The following RTL4 variants were observed in gnomAD, a reference collection of about 807,000 sequenced individuals.
RTL4 encodes the protein retrotransposon Gag-like protein 4.
In RTL4, 4 loss-of-function variants were observed where a neutral mutation model predicts 5.3. That is an observed-to-expected ratio of 0.75 (90% CI 0.37 to 1.72). The LOEUF is 1.72. Ranked by LOEUF, RTL4 falls within the 40% of genes most tolerant of loss-of-function variation. The pLI is 0.04. For missense variants in RTL4, 260 were observed against 227.1 expected (o/e 1.14, Z -0.93); for synonymous variants, 98 against 87.3 (o/e 1.12, Z -0.68).
chrX:112,260,733 G>A, the RTL4 span, among the ~76,000 whole-genome samples: 29 of 111,530 alleles, frequency 2.6e-4, no homozygotes, highest in African/African-American at 8.8e-4. Context: ...TATTTAATCC[G>A]CATCCTTCTT....
chrX:112,123,793 G>A, the RTL4 span, among the ~76,000 whole-genome samples: 54 of 111,541 alleles, frequency 4.8e-4, no homozygotes, highest in Middle Eastern at 4.7e-3. Context: ...ACTTTATGAC[G>A]AAAGCACCAA....
chrX:112,303,526 A>G, the RTL4 span, among the ~76,000 whole-genome samples: 1 of 95,831 alleles, frequency 1.0e-5, no homozygotes, highest in Non-Finnish European at 2.0e-5. Context: ...CAAACACCGC[A>G]TGTTCTCACT....
chrX:112,346,181 T>C, the RTL4 span, among the ~76,000 whole-genome samples: 1 of 112,007 alleles, frequency 8.9e-6, no homozygotes, highest in Non-Finnish European at 1.9e-5. Context: ...GTTGTATTTT[T>C]ATAATTTTAA....
At chrX:112,231,895 G>A in the RTL4 span, among the ~76,000 whole-genome samples, 1 of 111,397 alleles carries the variant, frequency 9.0e-6, no homozygotes, top group Non-Finnish European at 1.9e-5. Context: ...GTAGAACTAG[G>A]ATTTAAGCCC....
the RTL4 span, among the ~76,000 whole-genome samples, chrX:112,275,245 G>A: frequency 1.9e-5 from 2 of 107,602 alleles, no homozygotes; most frequent in African/African-American, 6.9e-5. Flanking sequence ...AAATCTTGCA[G>A]TCACCATATT....
the RTL4 span, among the ~76,000 whole-genome samples, chrX:112,304,884 T>C: frequency 9.4e-6 from 1 of 106,744 alleles, no homozygotes; most frequent in African/African-American, 3.7e-5. Flanking sequence ...CTTTCCTCTT[T>C]TCCTTTCCAC....
rs189377603 is a variant in RTL4, at chrX:112,454,748, C to G, written c.20C>G (p.Ser7Ter). The stretch of plus-strand genomic sequence containing the variant: ...GACATAATGGAGAAGTGCACGAAAT[C>G]ATCATCTACCATGCAGGTAGAGCCT... The change falls in exon 1 of 1, where the codon TCA (serine) becomes TGA (stop). Residue 7 changes from serine to a stop codon, truncating the protein, a stop_gained. Coordinates refer to ENST00000340433, the Ensembl canonical transcript of RTL4. LOFTEE classifies it low-confidence loss of function (END_TRUNC). The G allele has an allele frequency of 8.4e-7, 1 of 1,189,665 alleles. No individual in the cohort carries two copies. The highest frequency in any genetic ancestry group is 1.9e-5 in the South Asian group (1 of 52,681).
chrX:112,423,164 G>T, the RTL4 span, among the ~76,000 whole-genome samples: 13 of 110,298 alleles, frequency 1.2e-4, no homozygotes, highest in East Asian at 3.8e-3. Flanking sequence ...AATGACAGGA[G>T]AATCAATTGA....
chrX:112,404,808 T>C, the RTL4 span, among the ~76,000 whole-genome samples: 1 of 112,572 alleles, frequency 8.9e-6, no homozygotes, highest in African/African-American at 3.2e-5. Flanking sequence ...GTGACATTTT[T>C]TGGGTCTATT....
the RTL4 span, among the ~76,000 whole-genome samples, chrX:112,430,657 G>A: frequency 0.019 from 2,102 of 111,205 alleles, 50 homozygotes; most frequent in African/African-American, 0.063. Flanking sequence ...GCACAATCTC[G>A]GCTCACTGCA....
At chrX:112,303,448 T>A in the RTL4 span, among the ~76,000 whole-genome samples, 2 of 108,379 alleles carry the variant, frequency 1.8e-5, no homozygotes, top group African/African-American at 6.8e-5. Context: ...TGGGTTCATG[T>A]CCTTTGTAGG....
the RTL4 span, among the ~76,000 whole-genome samples, chrX:112,224,014 T>C: frequency 4.9e-4 from 55 of 111,847 alleles, no homozygotes; most frequent in East Asian, 0.015. Flanking sequence ...GGTCTCAGTA[T>C]TGAATATCTG....
chrX:112,251,765 T>C, the RTL4 span, among the ~76,000 whole-genome samples: 1 of 111,818 alleles, frequency 8.9e-6, no homozygotes, highest in Admixed American at 9.6e-5. Context: ...TCAATTTCTA[T>C]TCCTGAAATA....
the RTL4 span, among the ~76,000 whole-genome samples, chrX:112,327,767 T>C: frequency 1.8e-5 from 2 of 110,937 alleles, no homozygotes; most frequent in East Asian, 5.6e-4. Context: ...AAAGGTCGGG[T>C]TAACCTCAAA....
the RTL4 span, among the ~76,000 whole-genome samples, chrX:112,142,809 C>T: frequency 1.8e-5 from 2 of 111,709 alleles, no homozygotes; most frequent in Non-Finnish European, 3.8e-5. Context: ...CAGCCAGGCA[C>T]ATCCTGAAGA....
At chrX:112,214,796 T>G in the RTL4 span, among the ~76,000 whole-genome samples, 1 of 109,320 alleles carries the variant, frequency 9.1e-6, no homozygotes, top group African/African-American at 3.3e-5. Flanking sequence ...GTTTGTTTTG[T>G]TTTTTTTTGT....
the RTL4 span, among the ~76,000 whole-genome samples, chrX:112,422,029 A>C: frequency 2.7e-5 from 3 of 111,931 alleles, no homozygotes; most frequent in Non-Finnish European, 5.6e-5. Context: ...CCTGAGAATC[A>C]ATTTTGTCCA....
the RTL4 span, among the ~76,000 whole-genome samples, chrX:112,419,611 G>GTATATA: frequency 3.2e-3 from 110 of 34,680 alleles, 9 homozygotes; most frequent in African/African-American, 7.1e-3. Flanking sequence ...ATATGTATAT[G>GTATATA]TATATATATA....
the RTL4 span, among the ~76,000 whole-genome samples, chrX:112,404,979 G>C: frequency 1.8e-5 from 2 of 112,004 alleles, no homozygotes; most frequent in Admixed American, 1.9e-4. Flanking sequence ...TGATTGTGCA[G>C]GTCAGGGTGG....
Sources: gnomAD v4.1 joint callset for allele counts (sites outside exome capture counted in the v4.1 genomes callset) on GRCh38, gnomAD v4.1.1 for gene constraint, MANE v1.5 for transcripts, NCBI Gene and HGNC (gene_info 2026-07-23, HGNC 2026-07-21) for gene names.